Variants in MTHFD2L observed in about 807,000 individuals in gnomAD.
MTHFD2L encodes the protein bifunctional methylenetetrahydrofolate dehydrogenase/cyclohydrolase 2, mitochondrial.
In MTHFD2L, 29 loss-of-function variants were observed where a neutral mutation model predicts 34.9. That is an observed-to-expected ratio of 0.83 (90% CI 0.62 to 1.13). MTHFD2L has a LOEUF of 1.13. Ranked by LOEUF, MTHFD2L falls within the 50% of genes most tolerant of loss-of-function variation. The probability of loss-of-function intolerance (pLI) is 0.00; values close to 1 mark genes in which losing one functional copy is unlikely to be tolerated. For synonymous variants in MTHFD2L, 167 were observed against 155.7 expected (o/e 1.07, Z -0.54); for missense variants, 481 against 446.5 (o/e 1.08, Z -0.70).
intron 7 of MTHFD2L, among the ~76,000 whole-genome samples, chr4:74,295,211 G>A (rs574359123): frequency 6.6e-6 from 1 of 151,924 alleles, no homozygotes; most frequent in Non-Finnish European, 1.5e-5. Flanking sequence ...CTTTCTTCTC[G>A]CTGTTTTCAT....
chr4:74,272,376 C>T (rs1180099101), intron 6 of MTHFD2L, among the ~76,000 whole-genome samples: 1 of 152,132 alleles, frequency 6.6e-6, no homozygotes, highest in African/African-American at 2.4e-5. Context: ...CTAATATGGT[C>T]ATACCTATAT....
chr4:74,196,144 T>C (rs1263409266), intron 3 of MTHFD2L, among the ~76,000 whole-genome samples: 1 of 152,172 alleles, frequency 6.6e-6, no homozygotes, highest in African/African-American at 2.4e-5. Flanking sequence ...ACTAATATCA[T>C]TAACTGAACT....
chr4:74,236,192 G>T (rs993740435), intron 6 of MTHFD2L, among the ~76,000 whole-genome samples: 4 of 151,892 alleles, frequency 2.6e-5, no homozygotes, highest in African/African-American at 9.7e-5. Flanking sequence ...CAGTTTTATT[G>T]CTCACAGCCT....
intron 3 of MTHFD2L, among the ~76,000 whole-genome samples, chr4:74,178,296 T>C (rs932076314): frequency 3.9e-5 from 6 of 152,244 alleles, no homozygotes; most frequent in South Asian, 2.1e-4. Flanking sequence ...TGTATACATA[T>C]GTCAAAACAT....
chr4:74,204,675 T>A (rs917061942), intron 5 of MTHFD2L, among the ~76,000 whole-genome samples: 2 of 152,212 alleles, frequency 1.3e-5, no homozygotes, highest in African/African-American at 4.8e-5. Flanking sequence ...TTGATAAATT[T>A]CAATCTTGAA....
chr4:74,120,053 T>C (rs1322744813), upstream of MTHFD2L, among the ~76,000 whole-genome samples: 1 of 152,214 alleles, frequency 6.6e-6, no homozygotes, highest in Non-Finnish European at 1.5e-5. Context: ...AATGTGTCTG[T>C]ACTGACAGCA....
chr4:74,174,480 A>G (rs766261636), intron 1 of MTHFD2L, 26 bp from the exon 2 acceptor site: 4 of 1,385,600 alleles, frequency 2.9e-6, no homozygotes, highest in African/African-American at 1.5e-5. Context: ...TTTTCTTTTT[A>G]GTATTTATTG....
rs113559936 is a variant in MTHFD2L at position 74,126,483 on chromosome 4, A to G, written c.-297+966A>G. ...GTGAGGAGTAAACATGAGTCTTCCA[A>G]TATCCACACCTTGCTGTCCATCATC... On this transcript the variant is annotated intron_variant, in intron 1 of 7. Transcript: ENST00000433372. Among the ~76,000 whole-genome samples, 1,418 of 152,162 alleles carry G rather than the reference A, an allele frequency of 9.3e-3. 16 individuals are homozygous for G. The highest frequency in any genetic ancestry group is 0.033 in the African/African-American group (1,352 of 41,506).
intron 7 of MTHFD2L, among the ~76,000 whole-genome samples, chr4:74,292,377 G>GT (rs556218824): frequency 1.6e-4 from 24 of 151,700 alleles, no homozygotes; most frequent in East Asian, 9.7e-4. Context: ...ACTGTGATGA[G>GT]TTTTTTTTTA....
At chr4:74,211,476 T>C (rs1285450378) in intron 5 of MTHFD2L, among the ~76,000 whole-genome samples, 3 of 152,236 alleles carry the variant, frequency 2.0e-5, no homozygotes, top group African/African-American at 2.4e-5. Flanking sequence ...GTTTATGTGA[T>C]GGATTCCGTT....
At chr4:74,217,774 G>T (rs1034753808) in intron 5 of MTHFD2L, among the ~76,000 whole-genome samples, 13 of 150,064 alleles carry the variant, frequency 8.7e-5, no homozygotes, top group African/African-American at 3.3e-4. Flanking sequence ...GTAGACTTTA[G>T]CTCTTATCAT....
chr4:74,133,703 A>C (rs973537548), intron 1 of MTHFD2L, among the ~76,000 whole-genome samples: 1 of 152,120 alleles, frequency 6.6e-6, no homozygotes, highest in Admixed American at 6.6e-5. Flanking sequence ...TTTCTCTGAT[A>C]AGTATCTGAA....
intron 1 of MTHFD2L, among the ~76,000 whole-genome samples, chr4:74,158,748 T>C (rs114997665): frequency 2.6e-3 from 395 of 152,306 alleles, no homozygotes; most frequent in African/African-American, 9.2e-3. Flanking sequence ...TATTTATGGT[T>C]TCACAAAACC....
At chr4:74,126,036 C>T (rs574939588) in intron 1 of MTHFD2L, among the ~76,000 whole-genome samples, 9 of 152,268 alleles carry the variant, frequency 5.9e-5, no homozygotes, top group African/African-American at 2.2e-4. Flanking sequence ...TGGTTACCAG[C>T]GTCCACTATA....
At chr4:74,145,173 A>C (rs548241527) in intron 1 of MTHFD2L, among the ~76,000 whole-genome samples, 6 of 152,242 alleles carry the variant, frequency 3.9e-5, no homozygotes, top group African/African-American at 1.4e-4. Flanking sequence ...TGAAAAAAAA[A>C]AAACCCAAAT....
upstream of MTHFD2L, among the ~76,000 whole-genome samples, chr4:74,119,639 C>T (rs891962636): frequency 6.6e-6 from 1 of 151,918 alleles, no homozygotes; most frequent in Admixed American, 6.6e-5. Context: ...AAAAATTAGC[C>T]GGGCATGGTG....
At chr4:74,148,642 G>C (rs775452460) in intron 1 of MTHFD2L, among the ~76,000 whole-genome samples, 3 of 146,756 alleles carry the variant, frequency 2.0e-5, no homozygotes, top group Non-Finnish European at 4.7e-5. Flanking sequence ...TAGCATTATA[G>C]TCCCTTAATA....
rs147596455 is a variant in MTHFD2L at position 74,187,112 on chromosome 4, C to G, written c.451+11709C>G. 3.1e-3 allele frequency among the ~76,000 whole-genome samples: 477 copies of G among 152,110 alleles called. 6 individuals carry two copies. The highest frequency in any genetic ancestry group is 0.011 in the African/African-American group (449 of 41,506). On this transcript the variant is annotated intron_variant, in intron 3 of 7. Transcript: ENST00000325278. Reference sequence around the variant, plus strand: ...GCTGGAACAATCAGATATTCAAATGCAAAAGAATATCTAGAAAAGAAATGC... The same window carrying G: ...GCTGGAACAATCAGATATTCAAATGGAAAAGAATATCTAGAAAAGAAATGC...
At chr4:74,226,968 A>G (rs1288746945) in intron 6 of MTHFD2L, among the ~76,000 whole-genome samples, 1 of 152,046 alleles carries the variant, frequency 6.6e-6, no homozygotes. Flanking sequence ...CTTTCTTGGG[A>G]GGTGACCTTT....
Sources: allele counts gnomAD v4.1 joint callset (sites outside exome capture counted in the v4.1 genomes callset), GRCh38; gene constraint gnomAD v4.1.1; transcripts MANE v1.5; gene names NCBI Gene and HGNC (gene_info 2026-07-23, HGNC 2026-07-21).